The following CLPX variants were observed in gnomAD, a reference collection of about 807,000 sequenced individuals.
CLPX encodes caseinolytic mitochondrial matrix peptidase chaperone subunit X.
A neutral mutation model predicts 76.4 loss-of-function variants in CLPX; 34 were observed. That is an observed-to-expected ratio of 0.45 (90% CI 0.34 to 0.59). The LOEUF (loss-of-function observed/expected upper bound fraction) is 0.59, where lower values mean the gene tolerates loss of function less well. Among genes scored for constraint, CLPX ranks in the 20% least tolerant of loss-of-function variants. The pLI, the probability that CLPX is intolerant of heterozygous loss-of-function variation, is 0.01. For synonymous variants in CLPX, 248 were observed against 270.9 expected, an observed-to-expected ratio of 0.92 and a Z score of 0.83; for missense variants, 613 against 757.0, an observed-to-expected ratio of 0.81 and a Z score of 2.23.
intron 5 of CLPX, 25 bp from the exon 6 acceptor site, chr15:65,162,670 C>T (rs1033835865): frequency 7.0e-7 from 1 of 1,432,438 alleles, no homozygotes; most frequent in Non-Finnish European, 9.8e-7. Flanking sequence ...GAAAATATTA[C>T]ATATTTGTTT....
At chr15:65,167,960 G>C (rs754007364) in intron 3 of CLPX, among the ~76,000 whole-genome samples, 9 of 151,722 alleles carry the variant, frequency 5.9e-5, no homozygotes, top group Non-Finnish European at 7.4e-5. Flanking sequence ...CTATTTCTCT[G>C]ATCAAAAAAC....
At chr15:65,184,888 G>A (rs1316848695) in intron 1 of CLPX, among the ~76,000 whole-genome samples, 187 bp downstream of exon 1, 1 of 152,240 alleles carries the variant, frequency 6.6e-6, no homozygotes, top group Non-Finnish European at 1.5e-5. Context: ...TTTGAGCAAC[G>A]GCTGCTCCAG....
chr15:65,165,724 T>C (rs1057507915), intron 4 of CLPX, among the ~76,000 whole-genome samples: 1 of 152,104 alleles, frequency 6.6e-6, no homozygotes, highest in Non-Finnish European at 1.5e-5. Flanking sequence ...ATGTCTAAAG[T>C]CTACACAAAT....
At chr15:65,170,897 A>G (rs2087995264) in intron 3 of CLPX, among the ~76,000 whole-genome samples, 1 of 131,430 alleles carries the variant, frequency 7.6e-6, no homozygotes, top group Admixed American at 9.2e-5. Flanking sequence ...ATCTGGGCTC[A>G]CTGCAACCTC....
At chr15:65,180,829 G>A (rs987454974) in intron 1 of CLPX, among the ~76,000 whole-genome samples, 5 of 150,708 alleles carry the variant, frequency 3.3e-5, no homozygotes, top group African/African-American at 1.2e-4. Flanking sequence ...GCTTGAACCC[G>A]GGAGGCGAAG....
chr15:65,160,502 T>C (rs1264795511), intron 6 of CLPX, among the ~76,000 whole-genome samples: 3 of 151,968 alleles, frequency 2.0e-5, no homozygotes, highest in Non-Finnish European at 4.4e-5. Flanking sequence ...AGGAAGGGGC[T>C]TGGGTTAAGT....
At chr15:65,157,650 T>C in intron 8 of CLPX, 96 bp downstream of exon 8, 1 of 1,140,836 alleles carries the variant, frequency 8.8e-7, no homozygotes, top group Non-Finnish European at 1.2e-6. Context: ...TACAGAATTT[T>C]AGTCCTTGAC....
intron 3 of CLPX, among the ~76,000 whole-genome samples, chr15:65,168,383 C>CAAAAAAAAAAAAAAAAAAAAA (rs71136319): frequency 2.8e-5 from 1 of 35,666 alleles, no homozygotes; most frequent in African/African-American, 1.3e-4. Context: ...GACTCTGTCT[C>CAAAAAAAAAAAAAAAAAAAAA]AAAAAAAAAA....
At chr15:65,183,520 TGGAAAGAAAGACAGAAA>T (rs917386896) in intron 1 of CLPX, among the ~76,000 whole-genome samples, 14 of 85,168 alleles carry the variant, frequency 1.6e-4, no homozygotes, top group Admixed American at 2.5e-4. Context: ...AGATAGTAGA[TGGAAAGAAAGACAGAAA>T]GGAAAGAAAG....
At chr15:65,173,706 TG>T (rs2088045824) in intron 3 of CLPX, among the ~76,000 whole-genome samples, 2 of 152,136 alleles carry the variant, frequency 1.3e-5, no homozygotes, top group Non-Finnish European at 2.9e-5. Context: ...TAAAAAGCAA[TG>T]AAATACTGAT....
At chr15:65,181,972 A>T (rs972683728) in intron 1 of CLPX, among the ~76,000 whole-genome samples, 1 of 151,366 alleles carries the variant, frequency 6.6e-6, no homozygotes, top group Admixed American at 6.6e-5. Context: ...AAATACAAAA[A>T]ATTAGCTGGG....
At chr15:65,161,649 A>G (rs546484245) in intron 6 of CLPX, among the ~76,000 whole-genome samples, 1 of 152,328 alleles carries the variant, frequency 6.6e-6, no homozygotes. Context: ...AGCTGTCAAC[A>G]CAATTTATGA....
intron 6 of CLPX, among the ~76,000 whole-genome samples, chr15:65,160,904 G>A (rs1361821431): frequency 2.6e-5 from 4 of 152,154 alleles, no homozygotes; most frequent in Admixed American, 6.5e-5. Context: ...TCTCTAAAAT[G>A]AGGACCATGA....
At chr15:65,185,053 A>C in intron 1 of CLPX, 22 bp downstream of exon 1, 2 of 1,415,156 alleles carry the variant, frequency 1.4e-6, no homozygotes, top group Non-Finnish European at 1.9e-6. Flanking sequence ...CTGAGGGCTC[A>C]GGAGTGGCAC....
intron 12 of CLPX, 123 bp from the exon 13 acceptor site, chr15:65,152,659 A>G: frequency 4.4e-6 from 1 of 227,642 alleles, no homozygotes; most frequent in Non-Finnish European, 8.0e-6. Context: ...ACAAATATAT[A>G]TATATATATA....
At chr15:65,182,935 G>GACGGATCACAAGATCAGGA (rs1450953393) in intron 1 of CLPX, among the ~76,000 whole-genome samples, 2 of 151,952 alleles carry the variant, frequency 1.3e-5, no homozygotes, top group African/African-American at 2.4e-5. Context: ...GGCCAAGGCG[G>GACGGATCACAAGATCAGGA]GTGATCTCCT....
At chr15:65,172,728 T>C (rs1194851777) in intron 3 of CLPX, among the ~76,000 whole-genome samples, 12 of 152,136 alleles carry the variant, frequency 7.9e-5, no homozygotes, top group Admixed American at 7.9e-4. Context: ...TTAACATCAT[T>C]AGTCATTAGG....
At chr15:65,158,013 G>A in intron 7 of CLPX, 103 bp from the exon 8 acceptor site, 2 of 943,586 alleles carry the variant, frequency 2.1e-6, no homozygotes, top group Non-Finnish European at 3.0e-6. Flanking sequence ...ATAAAAAGTT[G>A]TCAATTGCTA....
At chr15:65,169,480 A>T (rs2087968327) in intron 3 of CLPX, among the ~76,000 whole-genome samples, 1 of 152,032 alleles carries the variant, frequency 6.6e-6, no homozygotes, top group East Asian at 2.0e-4. Context: ...GCACTTTGGA[A>T]GGCCAAGACG....
Sources: gnomAD v4.1 joint callset for allele counts (sites outside exome capture counted in the v4.1 genomes callset) on GRCh38, gnomAD v4.1.1 for gene constraint, MANE v1.5 for transcripts, NCBI Gene and HGNC (gene_info 2026-07-23, HGNC 2026-07-21) for gene names.